Variants in NDUFAF6 observed in about 807,000 individuals in gnomAD.
The protein encoded by NDUFAF6 is NADH dehydrogenase (ubiquinone) complex I, assembly factor 6.
A neutral mutation model predicts 40.8 loss-of-function variants in NDUFAF6; 45 were observed. The ratio of observed to expected loss-of-function variants is 1.10; its 90% CI spans 0.87 to 1.42. The LOEUF is 1.42. Among genes scored for constraint, NDUFAF6 ranks in the 40% most tolerant of loss-of-function variants. The pLI, the probability that NDUFAF6 is intolerant of heterozygous loss-of-function variation, is 0.00. For synonymous variants in NDUFAF6, 185 were observed against 155.9 expected (o/e 1.19, Z -1.39); for missense variants, 435 against 418.5 (o/e 1.04, Z -0.34).
upstream of NDUFAF6, among the ~76,000 whole-genome samples, chr8:95,024,259 G>GTGAAC (rs1211925084): frequency 6.6e-6 from 1 of 152,228 alleles, no homozygotes; most frequent in African/African-American, 2.4e-5. Flanking sequence ...TACTATTTAT[G>GTGAAC]TGAACTGAGG....
intron 1 of NDUFAF6, among the ~76,000 whole-genome samples, chr8:94,976,942 A>C (rs1035066067): frequency 3.3e-5 from 5 of 151,750 alleles, no homozygotes; most frequent in Non-Finnish European, 5.9e-5. Context: ...CTTGAGTCCA[A>C]GAGTTTGAGA....
chr8:94,917,341 G>A (rs1233369649), intron 1 of NDUFAF6, among the ~76,000 whole-genome samples: 4 of 152,084 alleles, frequency 2.6e-5, no homozygotes, highest in Non-Finnish European at 4.4e-5. Context: ...GTAGTCTAAC[G>A]TACTTACTGG....
upstream of NDUFAF6, among the ~76,000 whole-genome samples, chr8:94,953,487 CTG>C (rs1350437173): frequency 6.6e-5 from 10 of 152,168 alleles, no homozygotes; most frequent in African/African-American, 2.4e-4. Flanking sequence ...AAGAGGCGCA[CTG>C]TGTGGGGCAG....
chr8:94,971,167 G>A (rs1824430229), intron 1 of NDUFAF6, among the ~76,000 whole-genome samples: 1 of 152,240 alleles, frequency 6.6e-6, no homozygotes, highest in South Asian at 2.1e-4. Flanking sequence ...ACACCTGCAA[G>A]GTAAATGTTG....
intron 6 of NDUFAF6, 113 bp downstream of exon 6, chr8:95,047,240 A>T: frequency 7.0e-7 from 1 of 1,433,124 alleles, no homozygotes; most frequent in East Asian, 2.4e-5. Context: ...AGGAATGCTT[A>T]TTGCTTACTA....
intron 2 of NDUFAF6, among the ~76,000 whole-genome samples, chr8:95,095,278 G>C (rs1443346072): frequency 6.6e-6 from 1 of 152,102 alleles, no homozygotes; most frequent in Non-Finnish European, 1.5e-5. Flanking sequence ...CTGGTGGTTT[G>C]ACCAACCCAG....
chr8:95,116,957 G>A (rs1005114989), downstream of NDUFAF6, among the ~76,000 whole-genome samples: 1 of 152,190 alleles, frequency 6.6e-6, no homozygotes, highest in African/African-American at 2.4e-5. Context: ...TTCCTTCAGA[G>A]TCCCAAAGCA....
chr8:95,001,277 G>A (rs1419197445), intron 2 of NDUFAF6, among the ~76,000 whole-genome samples: 1 of 151,996 alleles, frequency 6.6e-6, no homozygotes, highest in Non-Finnish European at 1.5e-5. Context: ...TTTGGATAAA[G>A]TTTCTGTATT....
upstream of NDUFAF6, among the ~76,000 whole-genome samples, chr8:95,097,057 C>T (rs1349523651): frequency 6.6e-6 from 1 of 152,218 alleles, no homozygotes; most frequent in East Asian, 1.9e-4. Flanking sequence ...GAGACGCACA[C>T]TCTCTGGGCC....
At chr8:94,988,180 A>ATAGCTG (rs1262257119) in intron 2 of NDUFAF6, among the ~76,000 whole-genome samples, 2 of 152,244 alleles carry the variant, frequency 1.3e-5, no homozygotes, top group Admixed American at 1.3e-4. Flanking sequence ...TTTGTCACCC[A>ATAGCTG]GAGGTAACAG....
chr8:95,051,360 T>C (rs1180491153), intron 7 of NDUFAF6, among the ~76,000 whole-genome samples: 1 of 152,182 alleles, frequency 6.6e-6, no homozygotes, highest in East Asian at 1.9e-4. Flanking sequence ...TATCAGAGTT[T>C]TACATGCTAC....
At chr8:95,081,143 C>CTTTTTTTTTT (rs559573385), downstream of NDUFAF6, among the ~76,000 whole-genome samples, 5 of 57,758 alleles carry the variant, frequency 8.7e-5, no homozygotes, top group African/African-American at 2.4e-4. Context: ...AGTCCTGCAT[C>CTTTTTTTTTT]TTTTTTTTTT....
At chr8:95,100,757 T>C (rs1363579364) in intron 1 of NDUFAF6, among the ~76,000 whole-genome samples, 1 of 152,236 alleles carries the variant, frequency 6.6e-6, no homozygotes, top group Non-Finnish European at 1.5e-5. Context: ...ATACATTGTT[T>C]TCTATTTTTG....
At chr8:94,957,155 A>G (rs544005916), upstream of NDUFAF6, among the ~76,000 whole-genome samples, 32 of 152,298 alleles carry the variant, frequency 2.1e-4, no homozygotes, top group African/African-American at 7.2e-4. Flanking sequence ...CTGGACGACA[A>G]TGTGAGATTC....
At chr8:94,991,020 T>C (rs1280994516) in intron 2 of NDUFAF6, among the ~76,000 whole-genome samples, 2 of 152,242 alleles carry the variant, frequency 1.3e-5, no homozygotes, top group Non-Finnish European at 2.9e-5. Flanking sequence ...TTGGACATCA[T>C]GTCCTGGAGC....
At chr8:94,909,380 A>AAAAAC (rs1818606096) in intron 1 of NDUFAF6, among the ~76,000 whole-genome samples, 1 of 57,728 alleles carries the variant, frequency 1.7e-5, no homozygotes, top group African/African-American at 5.5e-5. Flanking sequence ...AAAAAAAAAA[A>AAAAAC]AACACTTCGG....
chr8:94,934,196 G>A (rs1820743598), intron 1 of NDUFAF6, among the ~76,000 whole-genome samples: 1 of 150,870 alleles, frequency 6.6e-6, no homozygotes, highest in Non-Finnish European at 1.5e-5. Flanking sequence ...GATGTTAAAA[G>A]TATTCATCTC....
At chr8:94,962,626 T>G (rs1435628502) in intron 1 of NDUFAF6, among the ~76,000 whole-genome samples, 3 of 132,976 alleles carry the variant, frequency 2.3e-5, no homozygotes, top group African/African-American at 8.2e-5. Context: ...GTTTTTTTTT[T>G]TTTTGAGACA....
intron 1 of NDUFAF6, among the ~76,000 whole-genome samples, chr8:94,911,272 T>G (rs1446143087): frequency 6.6e-6 from 1 of 152,222 alleles, no homozygotes; most frequent in African/African-American, 2.4e-5. Context: ...CTAGTTTTTA[T>G]CACTTAATAT....
Sources: gnomAD v4.1 joint callset for allele counts (sites outside exome capture counted in the v4.1 genomes callset) on GRCh38, gnomAD v4.1.1 for gene constraint, MANE v1.5 for transcripts, NCBI Gene and HGNC (gene_info 2026-07-23, HGNC 2026-07-21) for gene names.